The following OPRM1 variants were observed in gnomAD, a reference collection of about 807,000 sequenced individuals.
The protein encoded by OPRM1 is opioid receptor mu 1, also known as mu-type opioid receptor.
A neutral mutation model predicts 31.8 loss-of-function variants in OPRM1; 27 were observed. The ratio of observed to expected loss-of-function variants is 0.85; its 90% confidence interval spans 0.63 to 1.17. The LOEUF (loss-of-function observed/expected upper bound fraction) is 1.17. Among genes scored for constraint, OPRM1 ranks in the 50% most tolerant of loss-of-function variants. The pLI, the probability that OPRM1 is intolerant of heterozygous loss-of-function variation, is 0.00. For missense variants in OPRM1, 536 were observed against 511.1 expected, an observed-to-expected ratio of 1.05 and a Z score of -0.47; for synonymous variants, 196 against 189.9, an observed-to-expected ratio of 1.03 and a Z score of -0.26.
rs1256941507 is a variant in OPRM1 at position 154,132,205 on chromosome 6, A to G, written c.*13484A>G. On this transcript the variant is annotated 3_prime_UTR_variant, in exon 4 of 4. Transcript: ENST00000330432. ...TACATTACTCCTATTTGACTGTTTC[A>G]GATAGTTGTATATAAAAAATATAAA... Among the ~76,000 whole-genome samples the G allele has an allele frequency of 2.0e-5, 3 of 152,344 alleles. No homozygotes were observed. The highest frequency in any genetic ancestry group is 4.1e-4 in the South Asian group (2 of 4,830).
At chr6:154,089,803 A>C (rs1156628929) in intron 1 of OPRM1, 23 bp from the exon 2 acceptor site, 1 of 1,527,284 alleles carries the variant, frequency 6.5e-7, no homozygotes, top group Non-Finnish European at 9.0e-7. Flanking sequence ...ACTGATTCTC[A>C]CTCTTCTTCC....
chr6:154,179,276 C>T (rs1450923264), intron 3 of OPRM1, among the ~76,000 whole-genome samples: 7 of 152,192 alleles, frequency 4.6e-5, no homozygotes, highest in Admixed American at 2.6e-4. Flanking sequence ...CTTGTCAAAC[C>T]TTTCTGGCTA....
At chr6:154,193,161 T>A (rs980975426) in intron 3 of OPRM1, among the ~76,000 whole-genome samples, 2 of 152,156 alleles carry the variant, frequency 1.3e-5, no homozygotes, top group Non-Finnish European at 2.9e-5. Flanking sequence ...CTGTGGTACA[T>A]ATATACCATA....
chr6:154,239,297 G>C (rs1324254460), intron 3 of OPRM1, among the ~76,000 whole-genome samples: 1 of 152,114 alleles, frequency 6.6e-6, no homozygotes, highest in Non-Finnish European at 1.5e-5. Context: ...AGCTATGACA[G>C]GGGAACCATT....
At chr6:154,165,563 C>T (rs999228910) in intron 3 of OPRM1, among the ~76,000 whole-genome samples, 6 of 152,132 alleles carry the variant, frequency 3.9e-5, no homozygotes, top group Admixed American at 2.6e-4. Context: ...AAGCACTGCA[C>T]GAGGGATCTA....
At chr6:154,118,361 G>A (rs17174935) in intron 3 of OPRM1, among the ~76,000 whole-genome samples, 1 of 151,974 alleles carries the variant, frequency 6.6e-6, no homozygotes, top group African/African-American at 2.4e-5. Context: ...GGGAGGAAGA[G>A]GGTAAAAAAA....
chr6:154,191,273 G>T (rs531775297), intron 3 of OPRM1, among the ~76,000 whole-genome samples: 21 of 152,284 alleles, frequency 1.4e-4, no homozygotes, highest in African/African-American at 4.8e-4. Flanking sequence ...GAGCACAGGG[G>T]ATATTTTTTA....
At chr6:154,214,100 G>A (rs1778188951) in intron 3 of OPRM1, 1 of 721,476 alleles carries the variant, frequency 1.4e-6, no homozygotes, top group Admixed American at 2.1e-5. Context: ...CATCTTAAAT[G>A]CCAAAGCATG....
intron 3 of OPRM1, among the ~76,000 whole-genome samples, chr6:154,103,496 A>C (rs1319748238): frequency 6.6e-6 from 1 of 152,200 alleles, no homozygotes; most frequent in Non-Finnish European, 1.5e-5. Flanking sequence ...GCTCTTACTA[A>C]TTTCTGTAAT....
rs644261 is a variant in OPRM1 at position 154,121,116 on chromosome 6, G to C, written c.*2395G>C. ...GATAAAATCTGAAGATAAAGAAAAT[G>C]GAATATTCTGCTTTTTTCTTCCTTC... On this transcript the variant is annotated 3_prime_UTR_variant, in exon 4 of 4. Coordinates refer to ENST00000330432, the MANE Select transcript of OPRM1 (RefSeq NM_000914.5). Among the ~76,000 whole-genome samples, 29,660 of 152,086 alleles carry C rather than the reference G, an allele frequency of 0.2. 3,189 individuals carry two copies. The highest frequency in any genetic ancestry group is 0.25 in the Non-Finnish European group (17,000 of 67,940).
chr6:154,042,261 G>A (rs958029898), intron 1 of OPRM1, among the ~76,000 whole-genome samples: 7 of 152,196 alleles, frequency 4.6e-5, no homozygotes, highest in African/African-American at 1.7e-4. Context: ...ACTGAAGCAA[G>A]TATGTCTATT....
At chr6:154,177,522 A>G (rs1800441329) in intron 3 of OPRM1, among the ~76,000 whole-genome samples, 1 of 152,266 alleles carries the variant, frequency 6.6e-6, no homozygotes, top group African/African-American at 2.4e-5. Context: ...TATGCAGCCA[A>G]CAGACATATG....
intron 1 of OPRM1, among the ~76,000 whole-genome samples, chr6:154,048,132 A>T (rs1583221796): frequency 1.3e-5 from 2 of 152,250 alleles, no homozygotes; most frequent in Non-Finnish European, 2.9e-5. Flanking sequence ...TTCAGTTTAC[A>T]GTAGGTGTCC....
At chr6:154,162,997 G>A (rs960764007) in intron 3 of OPRM1, among the ~76,000 whole-genome samples, 45 of 152,104 alleles carry the variant, frequency 3.0e-4, no homozygotes, top group African/African-American at 1.0e-3. Flanking sequence ...CTTTCCAGTT[G>A]CTCAGAGCAA....
At chr6:154,187,846 A>G (rs994521076) in intron 3 of OPRM1, among the ~76,000 whole-genome samples, 2 of 152,218 alleles carry the variant, frequency 1.3e-5, no homozygotes, top group African/African-American at 4.8e-5. Flanking sequence ...CTTCTTCCAT[A>G]AAACAGAGGT....
At chr6:154,221,427 C>T in intron 3 of OPRM1, 1 of 883,480 alleles carries the variant, frequency 1.1e-6, no homozygotes, top group Non-Finnish European at 1.8e-6. Context: ...GTAAACTTGT[C>T]TGCTTTCTTT....
chr6:154,099,218 G>C (rs1202847174), intron 3 of OPRM1, among the ~76,000 whole-genome samples: 1 of 151,548 alleles, frequency 6.6e-6, no homozygotes, highest in African/African-American at 2.4e-5. Flanking sequence ...CTGGGAAGTT[G>C]AGGCTGCAAT....
intron 3 of OPRM1, among the ~76,000 whole-genome samples, chr6:154,164,055 T>C (rs937937577): frequency 1.3e-5 from 2 of 152,214 alleles, no homozygotes; most frequent in Non-Finnish European, 2.9e-5. Flanking sequence ...AAAAGCTTTC[T>C]TCCTCTGATA....
intron 1 of OPRM1, among the ~76,000 whole-genome samples, chr6:154,078,999 G>T (rs1402178410): frequency 6.6e-6 from 1 of 152,206 alleles, no homozygotes; most frequent in Non-Finnish European, 1.5e-5. Context: ...GAGGAAGAGA[G>T]GAGAGAGGAA....
Sources: allele counts gnomAD v4.1 joint callset (sites outside exome capture counted in the v4.1 genomes callset), GRCh38; gene constraint gnomAD v4.1.1; transcripts MANE v1.5; gene names NCBI Gene and HGNC (gene_info 2026-07-23, HGNC 2026-07-21).